The following SLC6A7 variants were observed in gnomAD, a reference collection of about 807,000 sequenced individuals.
SLC6A7 encodes sodium-dependent proline transporter.
A neutral mutation model predicts 73.1 loss-of-function variants in SLC6A7; 58 were observed. The observed-to-expected ratio is 0.79, with a 90% confidence interval of 0.64 to 0.99. SLC6A7 has a LOEUF of 0.99. SLC6A7 is among the 50% of genes least tolerant of loss of function. SLC6A7 has a pLI of 0.00. For synonymous variants in SLC6A7, 338 were observed against 338.7 expected (o/e 1.00, Z 0.02); for missense variants, 783 against 831.4 (o/e 0.94, Z 0.72).
At position 150,205,531 on chromosome 5, in the gene SLC6A7, C is replaced by T; in HGVS notation, c.1609C>T (p.Leu537=). ...GSYRFPPWAE[L]LGILMGLLSC... ...TTACCGCTTCCCGCCCTGGGCTGAG[C>T]TGCTGGGCATCCTGATGGGCCTGCT... The change falls in exon 13 of 14, where the codon CTG becomes TTG. Residue 537 remains leucine (L), a synonymous_variant. Transcript: ENST00000230671. 6.2e-7 allele frequency: 1 copy of T among 1,613,528 alleles called. No homozygotes were observed. The highest frequency in any genetic ancestry group is 8.5e-7 in the Non-Finnish European group (1 of 1,179,682).
At chr5:150,192,306 T>C (rs1461887191) in intron 1 of SLC6A7, among the ~76,000 whole-genome samples, 1 of 152,180 alleles carries the variant, frequency 6.6e-6, no homozygotes, top group Non-Finnish European at 1.5e-5. Context: ...TGTCTCTCTC[T>C]GTCCTGAAGA....
intron 4 of SLC6A7, among the ~76,000 whole-genome samples, chr5:150,198,159 C>G (rs898094074): frequency 2.0e-5 from 3 of 152,046 alleles, no homozygotes; most frequent in African/African-American, 7.2e-5. Context: ...CAGAGGCTTG[C>G]TCAGTATTGC....
intron 2 of SLC6A7, 57 bp downstream of exon 2, chr5:150,194,968 G>A (rs1752952330): frequency 1.3e-6 from 2 of 1,503,030 alleles, no homozygotes; most frequent in East Asian, 4.6e-5. Context: ...AGGCCCTGGG[G>A]TACAGTGAGC....
chr5:150,209,402 G>T lies in SLC6A7; in HGVS notation c.1702-4G>T. The T allele has an allele frequency of 6.2e-7, 1 of 1,612,604 alleles. No individual in the cohort carries two copies. Among genetic ancestry groups the T allele is most frequent in the Non-Finnish European group, 8.5e-7 (1 of 1,179,460 alleles). On this transcript the variant is annotated splice_region_variant and splice_polypyrimidine_tract_variant and intron_variant, in intron 13 of 13. Coordinates refer to ENST00000230671, the MANE Select transcript of SLC6A7 (RefSeq NM_014228.5). ...TTTTCACTGCTCTCGTTGCTTTGCT[G>T]CAGCGGCTCCAACAGGCCAGCCGGC...
intron 10 of SLC6A7, 90 bp from the exon 11 acceptor site, chr5:150,204,442 C>A: frequency 1.0e-6 from 1 of 1,004,092 alleles, no homozygotes; most frequent in Non-Finnish European, 1.6e-6. Context: ...GTCAGCATGG[C>A]TGCTTCCTGC....
chr5:150,207,342 G>A (rs950321679), intron 13 of SLC6A7, among the ~76,000 whole-genome samples: 20 of 152,002 alleles, frequency 1.3e-4, no homozygotes, highest in African/African-American at 4.8e-4. Flanking sequence ...TGCAACCTCC[G>A]CCTCCCGGGT....
intron 6 of SLC6A7, 58 bp from the exon 7 acceptor site, chr5:150,202,289 C>T: frequency 8.4e-7 from 1 of 1,192,304 alleles, no homozygotes; most frequent in African/African-American, 1.5e-5. Flanking sequence ...CATTCACTGC[C>T]TTCCTTCTCT....
intron 6 of SLC6A7, 33 bp downstream of exon 6, chr5:150,201,256 G>T (rs3733680): frequency 6.4e-7 from 1 of 1,565,810 alleles, no homozygotes; most frequent in South Asian, 1.2e-5. Context: ...CAGAGGGAGG[G>T]GCCAGGCCTG....
Position 150,209,557 on chromosome 5 carries a change from A to G in SLC6A7, c.1853A>G (p.Glu618Gly). The G allele has an allele frequency of 3.1e-6, 5 of 1,614,050 alleles. No homozygotes were observed. Among genetic ancestry groups the G allele is most frequent in the Admixed American group, 1.7e-5 (1 of 59,988 alleles). Residue 618 changes from glutamate to glycine, a missense_variant, in exon 14 of 14, where the codon GAG becomes GGG. Coordinates refer to ENST00000230671, the MANE Select transcript of SLC6A7 (RefSeq NM_014228.5). Reference sequence around the variant, plus strand: ...AAGTACGGGGGCATCACCAGCTTCGAGAACACGGCCATCGAGGTGGACCGT... The same window carrying G: ...AAGTACGGGGGCATCACCAGCTTCGGGAACACGGCCATCGAGGTGGACCGT... ...MRKYGGITSF[E>G]NTAIEVDREI...
In SLC6A7 at chr5:150,203,695, A is replaced by G. The variant is rs937574314; in HGVS notation, c.1116A>G (p.Pro372=). ...AGPGLAFVVY[P]QAMTMLPLSP... is the part of the protein sequence containing the mutation. Reference sequence around the variant, plus strand: ...CTGGCCTGGCCTTTGTCGTCTACCCACAGGCCATGACCATGCTGCCTCTGT... The same window carrying G: ...CTGGCCTGGCCTTTGTCGTCTACCCGCAGGCCATGACCATGCTGCCTCTGT... The change falls in exon 9 of 14, where the codon CCA becomes CCG. Residue 372 remains proline (P), a synonymous_variant. Coordinates refer to ENST00000230671, the MANE Select transcript of SLC6A7 (RefSeq NM_014228.5). 1 of 1,611,976 alleles carries G rather than the reference A, an allele frequency of 6.2e-7. No individual in the cohort carries two copies. Among genetic ancestry groups the G allele is most frequent in the Admixed American group, 1.7e-5 (1 of 59,996 alleles).
At chr5:150,196,037 T>A (rs920831093) in intron 2 of SLC6A7, among the ~76,000 whole-genome samples, 5 of 152,184 alleles carry the variant, frequency 3.3e-5, no homozygotes, top group African/African-American at 1.2e-4. Context: ...AACTGCTCTG[T>A]CTGAATGAAT....
intron 1 of SLC6A7, among the ~76,000 whole-genome samples, chr5:150,194,380 GGTTGTACCACT>G: frequency 6.6e-6 from 1 of 151,382 alleles, no homozygotes; most frequent in Non-Finnish European, 1.5e-5. Context: ...GGTGTGCTGA[GGTTGTACCACT>G]GCACTCCAGG....
chr5:150,191,436 G>GA (rs1752778679), intron 1 of SLC6A7, among the ~76,000 whole-genome samples: 1 of 145,754 alleles, frequency 6.9e-6, no homozygotes, highest in Non-Finnish European at 1.5e-5. Flanking sequence ...TCTTTTTCTT[G>GA]TTTTTTTTTT....
At chr5:150,208,963 A>G (rs1460107730) in intron 13 of SLC6A7, among the ~76,000 whole-genome samples, 1 of 152,200 alleles carries the variant, frequency 6.6e-6, no homozygotes, top group Non-Finnish European at 1.5e-5. Context: ...CAGCTCCTTA[A>G]GATTCAGCAT....
At position 150,199,303 on chromosome 5, in the gene SLC6A7, C is replaced by T. The variant is rs748996526; in HGVS notation, c.660C>T (p.Cys220=). The change falls in exon 5 of 14, where the codon TGC becomes TGT. Residue 220 remains cysteine, a synonymous_variant. Coordinates refer to ENST00000230671, the MANE Select transcript of SLC6A7 (RefSeq NM_014228.5). ...AGATCCGCTGGAACCTCTGCCTCTG[C>T]CTGCTGCTGGCCTGGGTCATCGTGT... ...PGEIRWNLCL[C]LLLAWVIVFL... The T allele has an allele frequency of 6.2e-6, 10 of 1,614,116 alleles. No individual in the cohort carries two copies. The South Asian group carries it at 1.1e-4, about 18-fold the overall frequency.
At chr5:150,198,356 G>A (rs758593) in intron 4 of SLC6A7, among the ~76,000 whole-genome samples, 88,882 of 152,122 alleles carry the variant, frequency 0.58, 26,246 homozygotes, top group Middle Eastern at 0.62. Context: ...GATAGGCTCC[G>A]TGTCTTGAAA....
chr5:150,191,132 T>C (rs1177098054), intron 1 of SLC6A7, among the ~76,000 whole-genome samples: 2 of 152,216 alleles, frequency 1.3e-5, no homozygotes, highest in Non-Finnish European at 2.9e-5. Context: ...CTGAATACTA[T>C]TTCTGCCGCT....
chr5:150,207,582 A>T (rs1753764554), intron 13 of SLC6A7, among the ~76,000 whole-genome samples: 1 of 152,226 alleles, frequency 6.6e-6, no homozygotes. Context: ...GAAGAAAAGA[A>T]GTTTATCAAT....
intron 13 of SLC6A7, among the ~76,000 whole-genome samples, chr5:150,206,963 C>G (rs979173584): frequency 3.3e-5 from 5 of 152,138 alleles, no homozygotes; most frequent in Non-Finnish European, 7.4e-5. Flanking sequence ...TTGGGGGGCT[C>G]GAGAGCTGTG....
Sources: gnomAD v4.1 joint callset for allele counts (sites outside exome capture counted in the v4.1 genomes callset) on GRCh38, gnomAD v4.1.1 for gene constraint, MANE v1.5 for transcripts, NCBI Gene and HGNC (gene_info 2026-07-23, HGNC 2026-07-21) for gene names.